The following CLIC2 variants were observed in gnomAD, a reference collection of about 807,000 sequenced individuals.
The protein encoded by CLIC2 is chloride intracellular channel protein 2.
A neutral mutation model predicts 14.8 loss-of-function variants in CLIC2; 9 were observed. The observed-to-expected ratio is 0.61, with a 90% CI of 0.37 to 1.06. The LOEUF (loss-of-function observed/expected upper bound fraction) is 1.06, where lower values mean the gene tolerates loss of function less well. Among genes scored for constraint, CLIC2 ranks in the 50% least tolerant of loss-of-function variants. CLIC2 has a pLI of 0.01. For synonymous variants in CLIC2, 61 were observed against 66.3 expected (o/e 0.92, Z 0.39); for missense variants, 148 against 181.4 (o/e 0.82, Z 1.06).
In CLIC2 at chrX:155,334,401, T is replaced by C. The variant is rs1557323101; in HGVS notation, c.27A>G (p.Gln9=). The C allele has an allele frequency of 8.3e-7, 1 of 1,210,239 alleles. No homozygotes were observed. The highest frequency in any genetic ancestry group is 3.0e-5 in the East Asian group (1 of 33,830). Residue 9 remains glutamine (Q), a synonymous_variant, in exon 1 of 6, where the codon CAA becomes CAG. Coordinates refer to ENST00000369449, the MANE Select transcript of CLIC2 (RefSeq NM_001289.6). The stretch of plus-strand genomic sequence containing the variant: ...CAAAAAGCTCAATCTCAGGGTCCAC[T>C]TGAGTGCCGGGCCGCAGGCCTGACA... The part of the protein sequence containing the change: MSGLRPGT[Q]VDPEIELFVK...
intron 1 of CLIC2, among the ~76,000 whole-genome samples, chrX:155,306,203 G>A (rs2075054866): frequency 9.0e-6 from 1 of 111,501 alleles, no homozygotes; most frequent in Admixed American, 9.5e-5. Context: ...TCCTGGGGGC[G>A]GATCCCTCAT....
At chrX:155,293,041 G>C in intron 3 of CLIC2, 3 of 644,284 alleles carry the variant, frequency 4.7e-6, no homozygotes, top group Non-Finnish European at 8.0e-6. Context: ...AGCCCTGTAC[G>C]AGGCCACTCT....
In CLIC2 at chrX:155,277,167, G is replaced by C. The variant is rs897806949; in HGVS notation, c.*736C>G. The C allele has an allele frequency of 8.9e-6, 1 of 112,048 alleles. No homozygotes were observed. 9.2% of individuals were successfully genotyped at this position (112,048 alleles called of 1,213,427 possible). On this transcript the variant is annotated 3_prime_UTR_variant, in exon 6 of 6. Transcript: ENST00000369449. ...TTTATGGACAACAAGAAGACCTTTT[G>C]GTCAGCCACAGTTTTTATTTTCCTT... is the stretch of plus-strand genomic sequence containing the variant.
At chrX:155,294,459 G>A (rs1476108020) in intron 3 of CLIC2, among the ~76,000 whole-genome samples, 1 of 111,664 alleles carries the variant, frequency 9.0e-6, no homozygotes, top group African/African-American at 3.3e-5. Flanking sequence ...GTAGGAAAAT[G>A]ACAAATTAAC....
At chrX:155,308,256 G>A (rs1380700394) in intron 1 of CLIC2, among the ~76,000 whole-genome samples, 1 of 110,265 alleles carries the variant, frequency 9.1e-6, no homozygotes. Flanking sequence ...GTTGAAAAAT[G>A]TAACTGACAT....
At chrX:155,296,088 G>A (rs782712674) in intron 3 of CLIC2, among the ~76,000 whole-genome samples, 1 of 111,948 alleles carries the variant, frequency 8.9e-6, no homozygotes, top group South Asian at 3.7e-4. Context: ...AACAAAGCTA[G>A]AGGCATCACA....
At chrX:155,303,986 C>T (rs1263833215) in intron 1 of CLIC2, among the ~76,000 whole-genome samples, 2 of 106,068 alleles carry the variant, frequency 1.9e-5, no homozygotes, top group African/African-American at 3.4e-5. Context: ...GAGGGTAACC[C>T]GACCTTTCTC....
intron 1 of CLIC2, among the ~76,000 whole-genome samples, chrX:155,317,790 T>C (rs1253989748): frequency 8.9e-6 from 1 of 111,785 alleles, no homozygotes; most frequent in East Asian, 2.8e-4. Flanking sequence ...GATGAACATA[T>C]ATGCAAAAAT....
At chrX:155,326,406 C>T (rs1279101878) in intron 1 of CLIC2, among the ~76,000 whole-genome samples, 1 of 111,455 alleles carries the variant, frequency 9.0e-6, no homozygotes, top group Admixed American at 9.5e-5. Flanking sequence ...TGTCACTACA[C>T]AGCTTTCAAA....
chrX:155,319,222 A>C (rs2075104953), intron 1 of CLIC2, among the ~76,000 whole-genome samples: 1 of 112,207 alleles, frequency 8.9e-6, no homozygotes, highest in Admixed American at 9.4e-5. Context: ...GAATTAATTA[A>C]ATGAAAAAGC....
intron 5 of CLIC2, chrX:155,278,832 A>T (rs1195636677): frequency 3.5e-5 from 7 of 202,009 alleles, no homozygotes; most frequent in African/African-American, 2.1e-4. Context: ...GCTACTCAAG[A>T]GTGGGGTGGG....
intron 1 of CLIC2, among the ~76,000 whole-genome samples, chrX:155,326,042 G>C (rs1301462969): frequency 9.3e-6 from 1 of 107,799 alleles, no homozygotes; most frequent in Admixed American, 1.0e-4. Context: ...GGGGAGTGAA[G>C]ATAAAAGACT....
At chrX:155,327,421 TATC>T (rs782307602) in intron 1 of CLIC2, among the ~76,000 whole-genome samples, 49 of 111,506 alleles carry the variant, frequency 4.4e-4, no homozygotes, top group Admixed American at 8.6e-4. Context: ...AAGTGGGTGG[TATC>T]ATGGATGATT....
intron 4 of CLIC2, 111 bp from the exon 5 acceptor site, chrX:155,279,441 C>A: frequency 1.8e-6 from 1 of 550,003 alleles, no homozygotes; most frequent in South Asian, 2.7e-5. Flanking sequence ...ATACTACTTA[C>A]ACTGGCTCTT....
rs2074969106 is a variant in CLIC2, at chrX:155,292,112, C to T, written c.293+6673G>A. 5.3e-6 allele frequency: 3 copies of T among 565,492 alleles called. No individual in the cohort carries two copies. The Admixed American group carries it at 6.7e-5, about 13-fold the overall frequency. The allele number at this position is 565,492 out of a possible 1,213,427, so 46.6% of individuals were successfully genotyped here. On this transcript the variant is annotated intron_variant, in intron 3 of 5. Transcript: ENST00000369449. Reference sequence around the variant, plus strand: ...TCAAGATCTTGGCTTTAGTTACTATCCAGCATAAAATTTGATAGAGTACAA... The same window carrying T: ...TCAAGATCTTGGCTTTAGTTACTATTCAGCATAAAATTTGATAGAGTACAA...
In CLIC2 at chrX:155,298,835, T is replaced by A; in HGVS notation, c.243A>T (p.Thr81=). The A allele has an allele frequency of 8.3e-7, 1 of 1,208,381 alleles. No homozygotes were observed. The highest frequency in any genetic ancestry group is 1.7e-5 in the African/African-American group (1 of 57,775). ...PFLVYNKELK[T]DFIKIEEFLE... ...AAAACTCCTCAATTTTAATGAAGTC[T>A]GTTTTCAACTCCTTGTTATACACCA... The change falls in exon 3 of 6, where the codon ACA becomes ACT. Residue 81 remains threonine, a synonymous_variant. Coordinates refer to ENST00000369449, the MANE Select transcript of CLIC2 (RefSeq NM_001289.6).
intron 3 of CLIC2, chrX:155,291,172 T>C (rs2074963337): frequency 6.1e-6 from 6 of 988,262 alleles, no homozygotes; most frequent in Non-Finnish European, 8.6e-6. Flanking sequence ...CTGAATAATA[T>C]ATAGCACAGT....
intron 4 of CLIC2, 80 bp downstream of exon 4, chrX:155,279,882 T>C (rs1052454464): frequency 1.0e-5 from 7 of 669,745 alleles, no homozygotes; most frequent in Non-Finnish European, 1.5e-5. Flanking sequence ...ATATACTATA[T>C]ATTCAGGAAA....
chrX:155,279,034 A>G (rs1602924015), intron 5 of CLIC2, 115 bp downstream of exon 5: 1 of 588,834 alleles, frequency 1.7e-6, no homozygotes, highest in African/African-American at 2.2e-5. Flanking sequence ...ACACATGATG[A>G]TGATGATAAT....
Sources: gnomAD v4.1 joint callset for allele counts (sites outside exome capture counted in the v4.1 genomes callset) on GRCh38, gnomAD v4.1.1 for gene constraint, MANE v1.5 for transcripts, NCBI Gene and HGNC (gene_info 2026-07-23, HGNC 2026-07-21) for gene names.